Variants in CFAP54 observed in about 807,000 individuals in gnomAD.
CFAP54 encodes cilia- and flagella-associated protein 54.
In CFAP54, 290 loss-of-function variants were observed where a neutral mutation model predicts 370.4. The ratio of observed to expected loss-of-function variants is 0.78; its 90% CI spans 0.71 to 0.86. CFAP54 has a LOEUF of 0.86. Among genes scored for constraint, CFAP54 ranks in the 40% least tolerant of loss-of-function variants. The pLI, the probability that CFAP54 is intolerant of heterozygous loss-of-function variation, is 0.00. For missense variants in CFAP54, 3,399 were observed against 3,528.7 expected, an observed-to-expected ratio of 0.96 and a Z score of 0.93; for synonymous variants, 1,206 against 1,236.5, an observed-to-expected ratio of 0.98 and a Z score of 0.52.
At chr12:96,869,931 G>T (rs540444876) in intron 67 of CFAP54, among the ~76,000 whole-genome samples, 1 of 102,556 alleles carries the variant, frequency 9.8e-6, no homozygotes, top group East Asian at 2.9e-4. Context: ...GCAAAACTCC[G>T]TCAAAAAAAA....
intron 36 of CFAP54, among the ~76,000 whole-genome samples, chr12:96,655,620 T>G (rs1237872183): frequency 6.6e-6 from 1 of 152,102 alleles, no homozygotes; most frequent in Non-Finnish European, 1.5e-5. Context: ...TACAGGAATA[T>G]CCTCAGTATA....
intron 32 of CFAP54, among the ~76,000 whole-genome samples, chr12:96,636,198 G>C (rs1228362892): frequency 6.6e-6 from 1 of 152,098 alleles, no homozygotes; most frequent in Non-Finnish European, 1.5e-5. Flanking sequence ...ACCTCTCTGT[G>C]CCAGAAACCA....
intron 50 of CFAP54, among the ~76,000 whole-genome samples, chr12:96,728,939 C>A (rs1592729624): frequency 6.6e-6 from 1 of 152,308 alleles, no homozygotes; most frequent in East Asian, 1.9e-4. Flanking sequence ...TGCTAGAGGT[C>A]CACTCCAGAC....
intron 42 of CFAP54, among the ~76,000 whole-genome samples, chr12:96,685,578 G>A (rs557607301): frequency 6.6e-6 from 1 of 151,208 alleles, no homozygotes; most frequent in East Asian, 1.9e-4. Context: ...TTGAGACGGA[G>A]TCTCACTCTG....
intron 47 of CFAP54, among the ~76,000 whole-genome samples, chr12:96,707,895 G>T (rs989127743): frequency 1.3e-5 from 2 of 151,884 alleles, no homozygotes; most frequent in East Asian, 3.9e-4. Flanking sequence ...AGGAGAGAAG[G>T]GCGCAAAATG....
chr12:96,760,027 C>A (rs1388932016), intron 58 of CFAP54, among the ~76,000 whole-genome samples: 6 of 152,026 alleles, frequency 3.9e-5, no homozygotes, highest in African/African-American at 1.4e-4. Context: ...GTACATTAAC[C>A]ACTTTCTTTT....
intron 55 of CFAP54, 134 bp downstream of exon 55, chr12:96,744,280 A>G (rs568249925): frequency 5.8e-5 from 45 of 773,402 alleles, no homozygotes; most frequent in Non-Finnish European, 8.4e-5. Context: ...TATTTAACCA[A>G]TAGTTTTTGA....
intron 26 of CFAP54, among the ~76,000 whole-genome samples, chr12:96,617,929 G>T (rs991551720): frequency 6.7e-6 from 1 of 148,646 alleles, no homozygotes; most frequent in Non-Finnish European, 1.5e-5. Context: ...GGCAGAGCTT[G>T]CAGTGAGCCG....
intron 39 of CFAP54, among the ~76,000 whole-genome samples, chr12:96,675,268 G>A (rs993889705): frequency 7.9e-5 from 12 of 152,152 alleles, no homozygotes; most frequent in African/African-American, 2.4e-4. Context: ...CCATCAACAA[G>A]TTGGCAAAGG....
At chr12:96,514,392 TGAA>T (rs777143525) in intron 5 of CFAP54, among the ~76,000 whole-genome samples, 16 of 152,228 alleles carry the variant, frequency 1.1e-4, no homozygotes, top group Non-Finnish European at 1.9e-4. Context: ...GACAGTGACT[TGAA>T]GAAGCTCTGT....
rs533942160 is a variant in CFAP54 at position 96,842,520 on chromosome 12, A to G, written c.9171+13432A>G. Among the ~76,000 whole-genome samples the G allele has an allele frequency of 4.6e-5, 7 of 152,344 alleles. No individual in the cohort carries two copies. The South Asian group carries it at 1.2e-3, about 27-fold the overall frequency. On this transcript the variant is annotated intron_variant, in intron 66 of 67. Transcript: ENST00000524981. ...GAATGTTGCATAAAAGGAATTTTAT[A>G]GTATGTAACATTTTGAGATTGGCCT...
chr12:96,723,986 T>G (rs925366620), intron 50 of CFAP54, among the ~76,000 whole-genome samples: 2 of 151,996 alleles, frequency 1.3e-5, no homozygotes, highest in South Asian at 4.2e-4. Flanking sequence ...ATTTCATCCA[T>G]GTCCCTACAA....
intron 32 of CFAP54, among the ~76,000 whole-genome samples, chr12:96,641,238 A>G (rs1334112067): frequency 2.0e-5 from 3 of 152,202 alleles, no homozygotes; most frequent in Non-Finnish European, 4.4e-5. Flanking sequence ...CAAGAAAAAA[A>G]CAAACAACAC....
At chr12:96,594,110 C>A (rs1260655260) in intron 24 of CFAP54, among the ~76,000 whole-genome samples, 181 bp from the exon 25 acceptor site, 1 of 152,000 alleles carries the variant, frequency 6.6e-6, no homozygotes, top group Non-Finnish European at 1.5e-5. Context: ...ATTCTAAGAT[C>A]GTGCTATCTA....
chr12:96,637,905 T>A (rs1017461831), intron 32 of CFAP54, among the ~76,000 whole-genome samples: 1 of 152,192 alleles, frequency 6.6e-6, no homozygotes, highest in Non-Finnish European at 1.5e-5. Flanking sequence ...CTTGTCATAA[T>A]TGCCTACAGT....
intron 39 of CFAP54, among the ~76,000 whole-genome samples, chr12:96,671,377 G>A (rs922009883): frequency 6.6e-6 from 1 of 151,696 alleles, no homozygotes; most frequent in African/African-American, 2.4e-5. Context: ...CTATTATATG[G>A]TATAATTTAG....
intron 65 of CFAP54, among the ~76,000 whole-genome samples, chr12:96,824,808 T>C (rs995195298): frequency 2.0e-5 from 3 of 152,154 alleles, no homozygotes; most frequent in Non-Finnish European, 4.4e-5. Flanking sequence ...TCAAATTATC[T>C]TTTCAAAGCA....
At chr12:96,628,292 A>G in intron 30 of CFAP54, among the ~76,000 whole-genome samples, 1 of 152,252 alleles carries the variant, frequency 6.6e-6, no homozygotes, top group East Asian at 1.9e-4. Flanking sequence ...ATTTATCAAA[A>G]TGAAAAGCAG....
chr12:96,704,444 G>GTA (rs1230836209), intron 46 of CFAP54, among the ~76,000 whole-genome samples: 1 of 39,530 alleles, frequency 2.5e-5, no homozygotes, highest in Non-Finnish European at 4.8e-5. Flanking sequence ...AAAAAAAAAT[G>GTA]TATGTGTGTA....
Sources: gnomAD v4.1 joint callset for allele counts (sites outside exome capture counted in the v4.1 genomes callset) on GRCh38, gnomAD v4.1.1 for gene constraint, MANE v1.5 for transcripts, NCBI Gene and HGNC (gene_info 2026-07-23, HGNC 2026-07-21) for gene names.